URB1: variants seen among roughly 807,000 people sequenced by gnomAD.
URB1 encodes the protein nucleolar pre-ribosomal-associated protein 1.
URB1 carries 197 observed loss-of-function variants against 242.3 expected under a neutral mutation model. The observed-to-expected ratio is 0.81, with a 90% CI of 0.72 to 0.91. The LOEUF (loss-of-function observed/expected upper bound fraction) is 0.91. URB1 is among the 40% of genes least tolerant of loss of function. The pLI is 0.00. For missense variants in URB1, 2,721 were observed against 2,860.5 expected, an observed-to-expected ratio of 0.95 and a Z score of 1.11; for synonymous variants, 1,153 against 1,201.8, an observed-to-expected ratio of 0.96 and a Z score of 0.84.
chr21:32,370,244 T>A (rs1202780952), intron 8 of URB1, among the ~76,000 whole-genome samples: 2 of 152,012 alleles, frequency 1.3e-5, no homozygotes, highest in Non-Finnish European at 2.9e-5. Flanking sequence ...CCTTATAAAT[T>A]GAGTAAAACT....
intron 1 of URB1, among the ~76,000 whole-genome samples, chr21:32,390,426 T>C (rs1479049656): frequency 6.6e-6 from 1 of 152,146 alleles, no homozygotes; most frequent in Non-Finnish European, 1.5e-5. Context: ...ATGTCTTCTT[T>C]TGAGAAGTGT....
intron 9 of URB1, among the ~76,000 whole-genome samples, chr21:32,367,435 T>C (rs2033358251): frequency 6.6e-6 from 1 of 152,192 alleles, no homozygotes; most frequent in African/African-American, 2.4e-5. Context: ...GTGGAGACTG[T>C]GCGCATAGGC....
chr21:32,372,561 C>A lies in URB1; in HGVS notation c.947G>T (p.Cys316Phe). ...AAAATTAATTCCATGCTTGAGTGAA[C>A]AGCAAAGATCCATCAGGAAGTTATG... is the stretch of plus-strand genomic sequence containing the variant. ...LVHNFLMDLCCSLKHGINFYD... is the reference protein window; with the variant it reads ...LVHNFLMDLCFSLKHGINFYD... The change falls in exon 8 of 39, where the codon TGT becomes TTT. Residue 316 changes from cysteine to phenylalanine, a missense_variant. Coordinates refer to ENST00000382751, the MANE Select transcript of URB1 (RefSeq NM_014825.3). 6.4e-7 allele frequency: 1 copy of A among 1,551,618 alleles called. No homozygotes were observed. The highest frequency in any genetic ancestry group is 1.2e-5 in the South Asian group (1 of 84,050).
intron 19 of URB1, among the ~76,000 whole-genome samples, chr21:32,351,813 C>T (rs562646905): frequency 1.3e-5 from 2 of 152,196 alleles, no homozygotes; most frequent in Non-Finnish European, 2.9e-5. Flanking sequence ...CTGTGGCCTA[C>T]GTGTGGGGGA....
intron 5 of URB1, among the ~76,000 whole-genome samples, chr21:32,377,488 C>T (rs1459520989): frequency 6.6e-6 from 1 of 152,102 alleles, no homozygotes; most frequent in East Asian, 1.9e-4. Flanking sequence ...ACTACTGGCC[C>T]TGGCAGCAGC....
chr21:32,345,357 AACCTGAGCCTTCAT>A lies in URB1; in HGVS notation c.4070+3_4070+16del, dbSNP rs2033074871. The A allele has an allele frequency of 5.8e-6, 9 of 1,548,718 alleles. No individual in the cohort carries two copies. Among genetic ancestry groups the A allele is most frequent in the Non-Finnish European group, 7.0e-6 (8 of 1,145,130 alleles). On this transcript the variant is annotated splice_donor_5th_base_variant and intron_variant, in intron 23 of 38. Transcript: ENST00000382751. ...ACCGAGAGTGGAACATCCTGCAACC[AACCTGAGCCTTCAT>A]ACCTCTTGTGACTGCTTGGGGTGTG...
In URB1 at chr21:32,354,053, C is replaced by T; in HGVS notation, c.2296G>A (p.Glu766Lys). 2 of 1,551,744 alleles carry T rather than the reference C, an allele frequency of 1.3e-6. No homozygotes were observed. The highest frequency in any genetic ancestry group is 1.7e-6 in the Non-Finnish European group (2 of 1,147,006). ...VLVEGSEGLD[E>K]EIGFTLSEDM... ...TCACTCAACGTGAACCCTATTTCCTCATCCAAGCCTTCACTGCCCTCCACC... is the reference window on the plus strand; with the variant it reads ...TCACTCAACGTGAACCCTATTTCCTTATCCAAGCCTTCACTGCCCTCCACC... Residue 766 changes from glutamate (E) to lysine (K), a missense_variant, in exon 18 of 39, where the codon GAG (glutamate) becomes AAG (lysine). By Grantham distance (56) the Glu-to-Lys change is moderately conservative (BLOSUM62 1). Coordinates refer to ENST00000382751, the MANE Select transcript of URB1 (RefSeq NM_014825.3).
chr21:32,352,627 C>G, intron 19 of URB1, 83 bp downstream of exon 19: 1 of 1,509,744 alleles, frequency 6.6e-7, no homozygotes, highest in Non-Finnish European at 8.9e-7. Context: ...GGCTACCCAA[C>G]TGCACAGCTG....
At chr21:32,332,060 A>G (rs2032899379) in intron 30 of URB1, among the ~76,000 whole-genome samples, 1 of 152,228 alleles carries the variant, frequency 6.6e-6, no homozygotes, top group African/African-American at 2.4e-5. Flanking sequence ...CAACAGTCAC[A>G]AGCGGGACAG....
At chr21:32,318,000 AC>A (rs2032715075) in intron 36 of URB1, 83 bp from the exon 37 acceptor site, 2 of 1,505,304 alleles carry the variant, frequency 1.3e-6, no homozygotes, top group East Asian at 4.9e-5. Flanking sequence ...TGACGACATC[AC>A]ACACCCAGAG....
intron 5 of URB1, 40 bp from the exon 6 acceptor site, chr21:32,375,523 T>C: frequency 8.0e-7 from 1 of 1,250,520 alleles, no homozygotes; most frequent in Non-Finnish European, 1.1e-6. Context: ...TCAAAAATAT[T>C]TTGAAAATGA....
Position 32,320,628 on chromosome 21 carries a change from C to T in URB1, c.5497G>A (p.Glu1833Lys). 1 of 1,551,158 alleles carries T rather than the reference C, an allele frequency of 6.4e-7. No individual in the cohort carries two copies. The highest frequency in any genetic ancestry group is 1.4e-5 in the African/African-American group (1 of 73,154). Residue 1833 changes from glutamate (E) to lysine (K), a missense_variant, in exon 35 of 39, where the codon GAA becomes AAA. Physicochemically the swap from Glu to Lys is moderately conservative, Grantham distance 56. Transcript: ENST00000382751. Reference sequence around the variant, plus strand: ...ACCTGGGCAGCATTCTGTAGAATTTCCAGAATCCAATTCTGAAAACCCCAA... The same window carrying T: ...ACCTGGGCAGCATTCTGTAGAATTTTCAGAATCCAATTCTGAAAACCCCAA... ...CDEAAQNWILEILQNAAQVAR... is the reference protein window; with the variant it reads ...CDEAAQNWILKILQNAAQVAR...
chr21:32,356,266 C>A (rs545036836), intron 15 of URB1, among the ~76,000 whole-genome samples: 1 of 152,144 alleles, frequency 6.6e-6, no homozygotes, highest in African/African-American at 2.4e-5. Flanking sequence ...GGTGCGCACA[C>A]ATGTGGCCCT....
chr21:32,344,900 C>T (rs2033068593), intron 23 of URB1, 144 bp from the exon 24 acceptor site: 1 of 1,044,692 alleles, frequency 9.6e-7, no homozygotes, highest in Non-Finnish European at 1.3e-6. Flanking sequence ...TCACAGGCTT[C>T]CCTGGACTCT....
chr21:32,351,187 G>T (rs904325539), intron 19 of URB1, among the ~76,000 whole-genome samples: 9 of 152,204 alleles, frequency 5.9e-5, no homozygotes, highest in African/African-American at 2.2e-4. Flanking sequence ...GGAGAACAAG[G>T]CAGAAGCCTG....
intron 36 of URB1, 42 bp downstream of exon 36, chr21:32,319,175 C>G: frequency 2.0e-6 from 3 of 1,523,590 alleles, no homozygotes; most frequent in South Asian, 2.5e-5. Context: ...AACACAGCAT[C>G]CAAGAGGCCA....
chr21:32,380,047 T>G (rs2033506355), intron 4 of URB1, among the ~76,000 whole-genome samples: 1 of 152,132 alleles, frequency 6.6e-6, no homozygotes, highest in African/African-American at 2.4e-5. Context: ...TAAGAAGTAA[T>G]TGTACAAACA....
chr21:32,363,211 TAC>T lies in URB1; in HGVS notation c.1452_1453del (p.Tyr485HisfsTer34). 6.4e-7 allele frequency: 1 copy of T among 1,552,104 alleles called. No homozygotes were observed. Among genetic ancestry groups the T allele is most frequent in the Non-Finnish European group, 8.7e-7 (1 of 1,147,090 alleles). ...GAATTCTTCCATCATCACAGCTGTGTACACGCCTGATTCCTGCCACACCTCTT... is the reference window on the plus strand; with the variant it reads ...GAATTCTTCCATCATCACAGCTGTGTACGCCTGATTCCTGCCACACCTCTT... On this transcript the variant is annotated frameshift_variant, in exon 11 of 39. Coordinates refer to ENST00000382751, the MANE Select transcript of URB1 (RefSeq NM_014825.3). LOFTEE classifies it high-confidence loss of function.
chr21:32,351,707 G>A (rs1433120785), intron 19 of URB1, among the ~76,000 whole-genome samples: 2 of 152,210 alleles, frequency 1.3e-5, no homozygotes, highest in Non-Finnish European at 2.9e-5. Context: ...CCACTGCTAA[G>A]TCTTATTCCA....
Sources: allele counts gnomAD v4.1 joint callset (sites outside exome capture counted in the v4.1 genomes callset), GRCh38; gene constraint gnomAD v4.1.1; transcripts MANE v1.5; gene names NCBI Gene and HGNC (gene_info 2026-07-23, HGNC 2026-07-21).